The following TCF7L1 variants were observed in gnomAD, a reference collection of about 807,000 sequenced individuals.
TCF7L1 encodes transcription factor 7-like 1.
Under a neutral mutation model 63.7 loss-of-function variants are expected in TCF7L1, and 18 were observed. The ratio of observed to expected loss-of-function variants is 0.28; its 90% CI spans 0.20 to 0.42. The LOEUF is 0.42. Ranked by LOEUF, TCF7L1 falls within the 10% of genes least tolerant of loss-of-function variation. The pLI is 1.00. For missense variants in TCF7L1, 654 were observed against 779.3 expected, an observed-to-expected ratio of 0.84 and a Z score of 1.91; for synonymous variants, 355 against 340.9, an observed-to-expected ratio of 1.04 and a Z score of -0.46.
chr2:85,253,631 T>TA (rs958617875), intron 3 of TCF7L1, among the ~76,000 whole-genome samples: 5 of 152,138 alleles, frequency 3.3e-5, no homozygotes, highest in African/African-American at 1.2e-4. Flanking sequence ...GAAAGGTTAG[T>TA]GTCACAACAG....
intron 3 of TCF7L1, among the ~76,000 whole-genome samples, chr2:85,171,925 C>G (rs374889735): frequency 6.6e-5 from 10 of 152,046 alleles, no homozygotes; most frequent in African/African-American, 1.9e-4. Flanking sequence ...CATCTTCCCC[C>G]CTCCCCCCAC....
intron 3 of TCF7L1, among the ~76,000 whole-genome samples, chr2:85,234,147 T>C (rs1378835473): frequency 2.8e-5 from 4 of 143,102 alleles, no homozygotes; most frequent in Non-Finnish European, 6.1e-5. Context: ...TTTTTTTTTT[T>C]TTTTTTCGAG....
intron 3 of TCF7L1, among the ~76,000 whole-genome samples, chr2:85,201,374 T>C (rs1420269483): frequency 6.6e-6 from 1 of 152,250 alleles, no homozygotes; most frequent in African/African-American, 2.4e-5. Context: ...TAATGTTTTA[T>C]GATAGATTTA....
At position 85,309,911 on chromosome 2, in the gene TCF7L1, C is replaced by G. The variant is rs761954714; in HGVS notation, c.*449C>G. The G allele has an allele frequency of 6.3e-6, 1 of 158,482 alleles. No homozygotes were observed. The highest frequency in any genetic ancestry group is 1.4e-5 in the Non-Finnish European group (1 of 72,290). 9.8% of individuals were successfully genotyped at this position (158,482 alleles called of 1,614,324 possible). On this transcript the variant is annotated 3_prime_UTR_variant, in exon 12 of 12. Coordinates refer to ENST00000282111, the MANE Select transcript of TCF7L1 (RefSeq NM_031283.3). ...CGTCTGCTCAATACCGTGGGTTCTT[C>G]TTCGTCCTCTGTCCTCTGCCCAGTG... is the stretch of plus-strand genomic sequence containing the variant.
chr2:85,282,027 G>T (rs116433378), intron 3 of TCF7L1, among the ~76,000 whole-genome samples: 2 of 151,830 alleles, frequency 1.3e-5, no homozygotes, highest in Non-Finnish European at 2.9e-5. Flanking sequence ...TCACTCTGTC[G>T]TCCAGGCTGT....
At position 85,218,643 on chromosome 2, in the gene TCF7L1, G is replaced by GGGC. The variant is rs112709208; in HGVS notation, c.442-64850_442-64849insCGG. The stretch of plus-strand genomic sequence containing the variant: ...TAAAATATCTTTTTATTCCAATGGG[G>GGGC]GGGGGAAAACTGGTGATAGTGTTCT... On this transcript the variant is annotated intron_variant, in intron 3 of 11. Coordinates refer to ENST00000282111, the MANE Select transcript of TCF7L1 (RefSeq NM_031283.3). 9.6e-3 allele frequency among the ~76,000 whole-genome samples: 1,454 copies of GGGC among 151,230 alleles called. 22 individuals are homozygous for GGGC. Among genetic ancestry groups the GGGC allele is most frequent in the African/African-American group, 0.033 (1,372 of 41,290 alleles).
At chr2:85,232,127 G>A (rs1680093636) in intron 3 of TCF7L1, among the ~76,000 whole-genome samples, 1 of 152,150 alleles carries the variant, frequency 6.6e-6, no homozygotes, top group Non-Finnish European at 1.5e-5. Context: ...CCCACAAGGC[G>A]ATCGGGTCAG....
chr2:85,285,299 T>C (rs144292760), intron 4 of TCF7L1, among the ~76,000 whole-genome samples: 2 of 152,138 alleles, frequency 1.3e-5, no homozygotes, highest in African/African-American at 4.8e-5. Context: ...AAAGAAGATA[T>C]GTGCAGAAAG....
chr2:85,162,608 A>G (rs1429352254), intron 3 of TCF7L1, among the ~76,000 whole-genome samples: 3 of 152,186 alleles, frequency 2.0e-5, no homozygotes, highest in African/African-American at 7.2e-5. Flanking sequence ...GTCCCCATGG[A>G]AGACATTCTT....
intron 3 of TCF7L1, among the ~76,000 whole-genome samples, chr2:85,225,412 T>A (rs2104305601): frequency 6.6e-6 from 1 of 152,368 alleles, no homozygotes; most frequent in Admixed American, 6.5e-5. Flanking sequence ...TCCATGAGCA[T>A]GGAATGTTCT....
intron 3 of TCF7L1, among the ~76,000 whole-genome samples, chr2:85,227,323 G>C (rs1310744951): frequency 6.6e-6 from 1 of 152,042 alleles, no homozygotes; most frequent in African/African-American, 2.4e-5. Flanking sequence ...TTGGCGACCT[G>C]TTCTTCCCAT....
chr2:85,200,395 T>C (rs1176345329), intron 3 of TCF7L1, among the ~76,000 whole-genome samples: 2 of 152,238 alleles, frequency 1.3e-5, no homozygotes, highest in Non-Finnish European at 2.9e-5. Context: ...TTTTGTAGGC[T>C]ATATGTATTA....
At chr2:85,294,198 G>A (rs1291245897) in intron 4 of TCF7L1, among the ~76,000 whole-genome samples, 2 of 151,804 alleles carry the variant, frequency 1.3e-5, no homozygotes, top group African/African-American at 2.4e-5. Context: ...CACCACGCCC[G>A]GCTAATTTTT....
At chr2:85,247,286 C>A (rs1189653375) in intron 3 of TCF7L1, among the ~76,000 whole-genome samples, 1 of 152,236 alleles carries the variant, frequency 6.6e-6, no homozygotes, top group Non-Finnish European at 1.5e-5. Context: ...CACATTCACT[C>A]ATATGCATCC....
Position 85,261,835 on chromosome 2 carries a change from C to T in TCF7L1, c.442-21660C>T, listed in dbSNP as rs189326651. ...CCAGGAGGCCACAGTGAGCCATGTT[C>T]GTGCCACTGCACTCCAGCCTGGGCA... On this transcript the variant is annotated intron_variant, in intron 3 of 11. Transcript: ENST00000282111. Among the ~76,000 whole-genome samples the T allele has an allele frequency of 1.1e-3, 164 of 152,248 alleles. 1 individual carries two copies. The highest frequency in any genetic ancestry group is 3.0e-3 in the African/African-American group (123 of 41,524).
intron 3 of TCF7L1, among the ~76,000 whole-genome samples, chr2:85,278,553 A>G (rs746851481): frequency 2.0e-5 from 3 of 152,240 alleles, no homozygotes; most frequent in Non-Finnish European, 2.9e-5. Flanking sequence ...AATGAGTCAA[A>G]TAAGAGAAAC....
intron 3 of TCF7L1, among the ~76,000 whole-genome samples, chr2:85,248,795 G>A (rs1680525978): frequency 6.6e-6 from 1 of 152,200 alleles, no homozygotes; most frequent in Non-Finnish European, 1.5e-5. Flanking sequence ...GTGAGTGATT[G>A]GTCCAGAATA....
chr2:85,309,280 GCCT>G lies in TCF7L1; in HGVS notation c.1593_1595del (p.Ser532del), dbSNP rs1165011553. ...CGCCTTCCTGTCGGCTAAGGCTGCA[GCCT>G]CCTCCTCTGGGCAGATGGGCAGCCA... On this transcript the variant is annotated inframe_deletion, in exon 12 of 12. Transcript: ENST00000282111. The G allele has an allele frequency of 1.2e-6, 2 of 1,613,558 alleles. No individual in the cohort carries two copies. Among genetic ancestry groups the G allele is most frequent in the Non-Finnish European group, 1.7e-6 (2 of 1,179,970 alleles).
chr2:85,271,081 G>A (rs768710597), intron 3 of TCF7L1, among the ~76,000 whole-genome samples: 11 of 151,974 alleles, frequency 7.2e-5, no homozygotes, highest in Non-Finnish European at 1.5e-4. Flanking sequence ...TAGTGCCAGT[G>A]TCGAGGAAAT....
Sources: allele counts gnomAD v4.1 joint callset (sites outside exome capture counted in the v4.1 genomes callset), GRCh38; gene constraint gnomAD v4.1.1; transcripts MANE v1.5; gene names NCBI Gene and HGNC (gene_info 2026-07-23, HGNC 2026-07-21).